Variants in DZIP3 observed in about 807,000 individuals in gnomAD.
The protein encoded by DZIP3 is E3 ubiquitin-protein ligase DZIP3.
Under a neutral mutation model 162.0 loss-of-function variants are expected in DZIP3, and 118 were observed. That is an observed-to-expected ratio of 0.73 (90% CI 0.63 to 0.85). DZIP3 has a LOEUF of 0.85. DZIP3 is among the 40% of genes least tolerant of loss of function. The pLI is 0.00. For missense variants in DZIP3, 1,331 were observed against 1,407.0 expected (o/e 0.95, Z 0.86); for synonymous variants, 438 against 458.6 (o/e 0.96, Z 0.57).
chr3:108,664,280 T>C lies in DZIP3; in HGVS notation c.2423+2023T>C, dbSNP rs931981273. Among the ~76,000 whole-genome samples the C allele has an allele frequency of 5.3e-5, 8 of 152,284 alleles. No individual in the cohort carries two copies. The South Asian group carries it at 1.2e-3, about 24-fold the overall frequency. ...AAATTATAACAATAGAAAGGCTTTT[T>C]GACAATACCCACCGTACTGCAGCCA... On this transcript the variant is annotated intron_variant, in intron 21 of 32. Transcript: ENST00000361582.
intron 15 of DZIP3, among the ~76,000 whole-genome samples, chr3:108,647,035 A>G (rs1036425971): frequency 6.6e-6 from 1 of 152,102 alleles, no homozygotes; most frequent in Non-Finnish European, 1.5e-5. Context: ...AGCGAGATTC[A>G]GTCTCAAAAA....
intron 21 of DZIP3, among the ~76,000 whole-genome samples, chr3:108,668,778 G>T (rs974536477): frequency 2.6e-5 from 4 of 151,886 alleles, no homozygotes; most frequent in Non-Finnish European, 5.9e-5. Context: ...AGGTGAATGG[G>T]TAGTCTCTGA....
At chr3:108,639,121 A>G (rs926159102) in intron 12 of DZIP3, among the ~76,000 whole-genome samples, 2 of 152,224 alleles carry the variant, frequency 1.3e-5, no homozygotes, top group Non-Finnish European at 2.9e-5. Flanking sequence ...CCTTACTTAG[A>G]TTACAGTAGA....
In DZIP3 at chr3:108,637,517, G is replaced by T; in HGVS notation, c.1033G>T (p.Glu345Ter). Residue 345 changes from glutamate (E) to a stop codon, truncating the protein, a stop_gained, in exon 12 of 33, where the codon GAA (glutamate) becomes TAA (stop). Coordinates refer to ENST00000361582, the MANE Select transcript of DZIP3 (RefSeq NM_014648.4). LOFTEE classifies it high-confidence loss of function. ...GCAGTTTGAAGTTGTGAGAAAGGAT[G>T]AATATATCACCATTGAAAATTTAGG... ...KILFEVVRKD[E>*]YITIENLGAS... is the part of the protein sequence containing the mutation. 6.2e-7 allele frequency: 1 copy of T among 1,610,678 alleles called. No individual in the cohort carries two copies. The highest frequency in any genetic ancestry group is 2.2e-5 in the East Asian group (1 of 44,578).
chr3:108,610,331 T>C (rs1940632184), intron 3 of DZIP3, among the ~76,000 whole-genome samples: 1 of 152,176 alleles, frequency 6.6e-6, no homozygotes, highest in Admixed American at 6.5e-5. Context: ...TACTGGATAA[T>C]CTCTGCAAAC....
At chr3:108,678,394 A>G (rs1944189189) in intron 26 of DZIP3, among the ~76,000 whole-genome samples, 1 of 152,120 alleles carries the variant, frequency 6.6e-6, no homozygotes, top group African/African-American at 2.4e-5. Flanking sequence ...CCATGAAACC[A>G]GTCCCTGGTG....
chr3:108,672,203 C>A (rs1056804055), intron 22 of DZIP3, among the ~76,000 whole-genome samples: 1 of 151,860 alleles, frequency 6.6e-6, no homozygotes, highest in Admixed American at 6.6e-5. Context: ...ACCATCACTT[C>A]GGGGGTTAAG....
chr3:108,690,303 G>T (rs569530047), intron 31 of DZIP3, among the ~76,000 whole-genome samples: 1 of 152,280 alleles, frequency 6.6e-6, no homozygotes, highest in East Asian at 1.9e-4. Context: ...TTAACAGATA[G>T]TTCATAGCCG....
At chr3:108,684,181 GTGT>G (rs1323178171) in intron 26 of DZIP3, 32 bp from the exon 27 acceptor site, 6 of 1,567,320 alleles carry the variant, frequency 3.8e-6, no homozygotes, top group Non-Finnish European at 4.3e-6. Context: ...GTGGGGGGGG[GTGT>G]TGTTTATTAT....
At position 108,676,486 on chromosome 3, in the gene DZIP3, C is replaced by T. The variant is rs571037007; in HGVS notation, c.2781+613C>T. Among the ~76,000 whole-genome samples the T allele has an allele frequency of 3.9e-5, 6 of 152,070 alleles. No homozygotes were observed. The South Asian group carries it at 1.0e-3, about 26-fold the overall frequency. ...TAAGTACTGGTGTAGGACCATGCTA[C>T]AGGTAATCTAAAGACATAATCCACT... On this transcript the variant is annotated intron_variant, in intron 25 of 32. Transcript: ENST00000361582.
rs1184567635 is a variant in DZIP3, at chr3:108,644,657, G to A, written c.1635G>A (p.Glu545=). 10 of 1,613,880 alleles carry A rather than the reference G, an allele frequency of 6.2e-6. No homozygotes were observed. The Admixed American group carries it at 1.7e-4, about 27-fold the overall frequency. ...DILLRLGMMQ[E]DIDKVKENPI... ...TTCTGCGCCTTGGGATGATGCAAGA[G>A]GATATTGACAAAGTGAAGGAGAATC... The change falls in exon 14 of 33, where the codon GAG becomes GAA. Residue 545 remains glutamate (E), a synonymous_variant. Transcript: ENST00000361582.
intron 5 of DZIP3, 32 bp from the exon 6 acceptor site, chr3:108,624,412 A>C (rs752923261): frequency 7.8e-7 from 1 of 1,281,422 alleles, no homozygotes; most frequent in Admixed American, 1.8e-5. Flanking sequence ...GCTTAGTCTA[A>C]ATAACCAATT....
At chr3:108,605,004 A>G (rs370769696) in intron 1 of DZIP3, among the ~76,000 whole-genome samples, 5 of 152,226 alleles carry the variant, frequency 3.3e-5, no homozygotes, top group South Asian at 2.1e-4. Flanking sequence ...GGAAATCCCA[A>G]TCAACCAGCT....
At chr3:108,691,871 TG>T (rs1944710785) in intron 32 of DZIP3, among the ~76,000 whole-genome samples, 1 of 152,208 alleles carries the variant, frequency 6.6e-6, no homozygotes, top group African/African-American at 2.4e-5. Context: ...AAAACCCATT[TG>T]TCTTTCCTAA....
intron 18 of DZIP3, among the ~76,000 whole-genome samples, chr3:108,653,507 GTATATATATATA>G (rs57047978): frequency 0.036 from 3,817 of 104,642 alleles, 221 homozygotes; most frequent in African/African-American, 0.12. Context: ...GTGTGTGTGT[GTATATATATATA>G]TATATATATA....
chr3:108,626,024 A>G, intron 7 of DZIP3, 55 bp downstream of exon 7: 1 of 1,586,884 alleles, frequency 6.3e-7, no homozygotes, highest in Non-Finnish European at 8.6e-7. Context: ...GCATTGTGAA[A>G]TGGAAGTAAG....
chr3:108,590,842 G>A (rs1258633453), intron 1 of DZIP3, among the ~76,000 whole-genome samples: 1 of 152,106 alleles, frequency 6.6e-6, no homozygotes, highest in Non-Finnish European at 1.5e-5. Context: ...TGGTTCATAG[G>A]ACTGTTCATT....
intron 7 of DZIP3, among the ~76,000 whole-genome samples, chr3:108,627,902 C>T (rs1169703357): frequency 6.6e-6 from 1 of 151,416 alleles, no homozygotes; most frequent in Non-Finnish European, 1.5e-5. Flanking sequence ...TTTTTTGAGA[C>T]GGAGTCTCGC....
chr3:108,630,722 T>C (rs1941793088), intron 8 of DZIP3, among the ~76,000 whole-genome samples: 1 of 152,070 alleles, frequency 6.6e-6, no homozygotes. Context: ...AATATTTTGC[T>C]TTCTTTATTA....
Sources: gnomAD v4.1 joint callset for allele counts (sites outside exome capture counted in the v4.1 genomes callset) on GRCh38, gnomAD v4.1.1 for gene constraint, MANE v1.5 for transcripts, NCBI Gene and HGNC (gene_info 2026-07-23, HGNC 2026-07-21) for gene names.